The following NALCN variants were observed in gnomAD, a reference collection of about 807,000 sequenced individuals.
The protein encoded by NALCN is sodium leak channel NALCN.
NALCN carries 111 observed loss-of-function variants against 225.3 expected under a neutral mutation model. The observed-to-expected ratio is 0.49, with a 90% CI of 0.42 to 0.58. The LOEUF (loss-of-function observed/expected upper bound fraction) is 0.58. NALCN is among the 20% of genes least tolerant of loss of function. The pLI is 0.00. For synonymous variants in NALCN, 764 were observed against 769.0 expected (o/e 0.99, Z 0.11); for missense variants, 1,378 against 2,202.4 (o/e 0.63, Z 7.49).
intron 17 of NALCN, among the ~76,000 whole-genome samples, chr13:101,131,038 T>A (rs2036492403): frequency 6.6e-6 from 1 of 152,094 alleles, no homozygotes; most frequent in Admixed American, 6.5e-5. Context: ...TCTTTGATTT[T>A]AAAAAATGCC....
At chr13:101,252,295 A>C (rs1288887339) in intron 11 of NALCN, among the ~76,000 whole-genome samples, 1 of 152,182 alleles carries the variant, frequency 6.6e-6, no homozygotes, top group Non-Finnish European at 1.5e-5. Context: ...TATAATTGAA[A>C]TGAGATGAAA....
intron 28 of NALCN, among the ~76,000 whole-genome samples, chr13:101,093,320 T>C: frequency 6.6e-6 from 1 of 152,234 alleles, no homozygotes. Flanking sequence ...AGTGTATTCC[T>C]AGATATGTTA....
At chr13:101,408,964 T>C (rs1416975533) in intron 1 of NALCN, among the ~76,000 whole-genome samples, 1 of 152,214 alleles carries the variant, frequency 6.6e-6, no homozygotes, top group African/African-American at 2.4e-5. Flanking sequence ...TATGAGTCTA[T>C]TTCTTAAATC....
At chr13:101,169,885 A>G (rs180721048) in intron 15 of NALCN, among the ~76,000 whole-genome samples, 21 of 152,352 alleles carry the variant, frequency 1.4e-4, no homozygotes, top group African/African-American at 4.8e-4. Flanking sequence ...TGCAGCAGTT[A>G]TATCAGTCTT....
At position 101,143,204 on chromosome 13, in the gene NALCN, T is replaced by A; in HGVS notation, c.1994A>T (p.Gln665Leu). ...VPKIRESFMKQFIDRQQQDTC... is the reference protein window; with the variant it reads ...VPKIRESFMKLFIDRQQQDTC... ...GTCCTGTTGCTGGCGGTCAATAAAC[T>A]GCTTCATAAAACTCTCCCTTTGCAA... Residue 665 changes from glutamine (Q) to leucine (L), a missense_variant, in exon 17 of 44, where the codon CAG becomes CTG. Gln to Leu is a moderately radical substitution (Grantham distance 113). Coordinates refer to ENST00000251127, the MANE Select transcript of NALCN (RefSeq NM_052867.4). 2 of 1,610,266 alleles carry A rather than the reference T, an allele frequency of 1.2e-6. No individual in the cohort carries two copies. Among genetic ancestry groups the A allele is most frequent in the Non-Finnish European group, 1.7e-6 (2 of 1,178,186 alleles).
At chr13:101,345,558 G>A (rs190231234) in intron 6 of NALCN, 138 bp from the exon 7 acceptor site, 47 of 978,400 alleles carry the variant, frequency 4.8e-5, no homozygotes, top group Non-Finnish European at 6.0e-5. Flanking sequence ...GTTGCACTTT[G>A]GGAGGCATAG....
chr13:101,266,050 T>C (rs571886), intron 10 of NALCN, among the ~76,000 whole-genome samples: 131,741 of 152,192 alleles, frequency 0.87, 59,808 homozygotes, highest in Non-Finnish European at 0.99. Flanking sequence ...GTCTCTGTGC[T>C]GGATTTCACC....
At chr13:101,216,428 A>G (rs2040734585) in intron 13 of NALCN, among the ~76,000 whole-genome samples, 1 of 152,144 alleles carries the variant, frequency 6.6e-6, no homozygotes, top group Non-Finnish European at 1.5e-5. Context: ...GAGGACAGAG[A>G]TCAGGAAGAG....
At chr13:101,259,732 G>GTATATATA (rs35199456) in intron 10 of NALCN, among the ~76,000 whole-genome samples, 6,734 of 119,158 alleles carry the variant, frequency 0.057, 344 homozygotes, top group East Asian at 0.24. Context: ...CATAGTAAGT[G>GTATATATA]TATATATATA....
At chr13:101,199,301 T>C (rs2140032851) in intron 13 of NALCN, among the ~76,000 whole-genome samples, 1 of 150,828 alleles carries the variant, frequency 6.6e-6, no homozygotes, top group East Asian at 2.0e-4. Context: ...AAAAAAGAGT[T>C]GGAAAAAATA....
At chr13:101,267,272 C>T (rs542568761) in intron 10 of NALCN, among the ~76,000 whole-genome samples, 6 of 152,194 alleles carry the variant, frequency 3.9e-5, no homozygotes, top group African/African-American at 1.2e-4. Context: ...ATCACCAGCT[C>T]CTCTTGACTT....
intron 12 of NALCN, among the ~76,000 whole-genome samples, chr13:101,235,917 C>T (rs553711889): frequency 3.9e-4 from 60 of 152,250 alleles, no homozygotes; most frequent in South Asian, 3.5e-3. Flanking sequence ...TTTGGTATTA[C>T]TAATAAATAA....
chr13:101,333,787 T>C (rs1231067652), intron 7 of NALCN, among the ~76,000 whole-genome samples: 1 of 152,196 alleles, frequency 6.6e-6, no homozygotes, highest in Non-Finnish European at 1.5e-5. Flanking sequence ...GGGAATTATG[T>C]TCTGCAGGCT....
chr13:101,262,836 CCT>C (rs1247980161), intron 10 of NALCN, among the ~76,000 whole-genome samples: 2 of 152,090 alleles, frequency 1.3e-5, no homozygotes, highest in African/African-American at 4.8e-5. Flanking sequence ...GTTACTTAAA[CCT>C]CTGTTTTCTC....
chr13:101,116,691 C>A, intron 18 of NALCN: 1 of 377,986 alleles, frequency 2.6e-6, no homozygotes, highest in Non-Finnish European at 5.2e-6. Context: ...ACGTAATTAC[C>A]ATCTAAAGGA....
In NALCN at chr13:101,283,962, G is replaced by T. The variant is rs2043253958; in HGVS notation, c.1105C>A (p.Pro369Thr). Residue 369 changes from proline (P) to threonine (T), a missense_variant, in exon 10 of 44, where the codon CCC becomes ACC. Coordinates refer to ENST00000251127, the MANE Select transcript of NALCN (RefSeq NM_052867.4). ...AGGCAGGCTGGGGCGCGTCCCTGGGGCTTGTTGACATCCACAGCTACCAGC... is the reference window on the plus strand; with the variant it reads ...AGGCAGGCTGGGGCGCGTCCCTGGGTCTTGTTGACATCCACAGCTACCAGC... ...WQLVAVDVNK[P>T]QGRAPACLQK... 1 of 1,613,668 alleles carries T rather than the reference G, an allele frequency of 6.2e-7. No individual in the cohort carries two copies. Among genetic ancestry groups the T allele is most frequent in the Non-Finnish European group, 8.5e-7 (1 of 1,179,908 alleles).
intron 13 of NALCN, among the ~76,000 whole-genome samples, chr13:101,207,005 G>A (rs955017734): frequency 2.0e-5 from 3 of 151,946 alleles, no homozygotes; most frequent in Non-Finnish European, 4.4e-5. Context: ...TACTATGGTT[G>A]GACAGAAAAA....
Position 101,349,783 on chromosome 13 carries a change from G to A in NALCN, c.645-4363C>T, listed in dbSNP as rs114523813. 7.1e-4 allele frequency among the ~76,000 whole-genome samples: 108 copies of A among 152,002 alleles called. 1 individual carries two copies. The highest frequency in any genetic ancestry group is 2.2e-3 in the African/African-American group (91 of 41,454). On this transcript the variant is annotated intron_variant, in intron 6 of 43. Transcript: ENST00000251127. ...TCAATTCTCTGTCATCCTTTACATC[G>A]TTGTAGAGTCTTAGAGCTACATGTC... is the stretch of plus-strand genomic sequence containing the variant.
intron 1 of NALCN, among the ~76,000 whole-genome samples, chr13:101,400,544 A>AGT (rs376844190): frequency 0.049 from 6,601 of 135,176 alleles, 181 homozygotes; most frequent in Middle Eastern, 0.075. Context: ...ACATGTTTGC[A>AGT]GTGTGTGTGT....
Sources: allele counts gnomAD v4.1 joint callset (sites outside exome capture counted in the v4.1 genomes callset), GRCh38; gene constraint gnomAD v4.1.1; transcripts MANE v1.5; gene names NCBI Gene and HGNC (gene_info 2026-07-23, HGNC 2026-07-21).